Variants in C9 observed in about 807,000 individuals in gnomAD.
C9 encodes complement component C9.
C9 carries 63 observed loss-of-function variants against 65.4 expected under a neutral mutation model. That is an observed-to-expected ratio of 0.96 (90% CI 0.79 to 1.19). The LOEUF is 1.19. C9 is among the 50% of genes most tolerant of loss of function. The pLI is 0.00. For missense variants in C9, 744 were observed against 670.1 expected (o/e 1.11, Z -1.22); for synonymous variants, 229 against 227.9 (o/e 1.00, Z -0.04).
chr5:39,335,880 G>A (rs1445772340), intron 4 of C9, among the ~76,000 whole-genome samples: 1 of 152,086 alleles, frequency 6.6e-6, no homozygotes, highest in African/African-American at 2.4e-5. Flanking sequence ...AGAAATGTGT[G>A]GGTAAGAGCT....
chr5:39,301,165 A>G (rs1753273962), intron 9 of C9, among the ~76,000 whole-genome samples: 1 of 152,176 alleles, frequency 6.6e-6, no homozygotes, highest in South Asian at 2.1e-4. Context: ...AATATGATGC[A>G]CTGAGAATAA....
intron 10 of C9, among the ~76,000 whole-genome samples, chr5:39,287,025 G>C (rs1464360130): frequency 6.6e-6 from 1 of 151,890 alleles, no homozygotes; most frequent in African/African-American, 2.4e-5. Context: ...GATTGCCATA[G>C]AAAGTTAATC....
intron 1 of C9, among the ~76,000 whole-genome samples, chr5:39,362,523 G>A (rs2111995655): frequency 6.6e-6 from 1 of 152,268 alleles, no homozygotes; most frequent in East Asian, 1.9e-4. Context: ...CTCCAGAACT[G>A]TGAGACAATA....
Position 39,296,181 on chromosome 5 carries a change from T to C in C9, c.1417-7230A>G, listed in dbSNP as rs185930251. 2.0e-5 allele frequency among the ~76,000 whole-genome samples: 3 copies of C among 151,542 alleles called. No homozygotes were observed. In the East Asian group the frequency reaches 5.8e-4, roughly 29 times the overall value. On this transcript the variant is annotated intron_variant, in intron 9 of 10. Coordinates refer to ENST00000263408, the MANE Select transcript of C9 (RefSeq NM_001737.5). ...AACAGAAGCAAAAATACACAAATGG[T>C]TTATATCCAATTGAAAAGCTTCTGT...
chr5:39,346,021 G>A (rs1216929109), intron 1 of C9, among the ~76,000 whole-genome samples: 1 of 152,208 alleles, frequency 6.6e-6, no homozygotes, highest in East Asian at 1.9e-4. Flanking sequence ...ATTCAAAGGA[G>A]TGTGTAGAGG....
At chr5:39,362,340 G>A (rs1300665352) in intron 1 of C9, among the ~76,000 whole-genome samples, 1 of 152,146 alleles carries the variant, frequency 6.6e-6, no homozygotes, top group Non-Finnish European at 1.5e-5. Context: ...CATACACAAT[G>A]GGAAGATGAT....
chr5:39,343,095 C>T (rs1436789529), intron 1 of C9, among the ~76,000 whole-genome samples: 11 of 152,136 alleles, frequency 7.2e-5, no homozygotes, highest in Admixed American at 1.3e-4. Context: ...CAGCTCCCAG[C>T]GTGAGTGACG....
rs949865653 is a variant in C9, at chr5:39,334,556, G to A, written c.477-2742C>T. Among the ~76,000 whole-genome samples, 7 of 147,936 alleles carry A rather than the reference G, an allele frequency of 4.7e-5. No homozygotes were observed. The South Asian group carries it at 1.3e-3, about 26-fold the overall frequency. ...CCCCGCCAGGCCAGCCGCCCCGTCC[G>A]GGAGGGAGGTGGGGGGGTCAGCCCC... On this transcript the variant is annotated intron_variant, in intron 4 of 10. Transcript: ENST00000263408.
At chr5:39,313,571 C>T (rs142212605) in intron 6 of C9, among the ~76,000 whole-genome samples, 7 of 152,292 alleles carry the variant, frequency 4.6e-5, no homozygotes, top group African/African-American at 1.7e-4. Context: ...AATTCTGGAG[C>T]ACAGTCTAAG....
chr5:39,333,902 G>A (rs187841265), intron 4 of C9, among the ~76,000 whole-genome samples: 156 of 152,276 alleles, frequency 1.0e-3, no homozygotes, highest in African/African-American at 2.7e-3. Flanking sequence ...ACAGAGTCTC[G>A]TTAACTCAGT....
chr5:39,325,148 A>G (rs1020826802), intron 5 of C9, among the ~76,000 whole-genome samples: 1 of 152,188 alleles, frequency 6.6e-6, no homozygotes, highest in Non-Finnish European at 1.5e-5. Flanking sequence ...AATGGATAAT[A>G]AAACCATAAA....
chr5:39,321,414 A>G (rs978963404), intron 5 of C9, among the ~76,000 whole-genome samples: 4 of 152,094 alleles, frequency 2.6e-5, no homozygotes, highest in South Asian at 2.1e-4. Context: ...GCAAACACCT[A>G]TAATAGACAC....
At chr5:39,336,154 T>C (rs537866964) in intron 4 of C9, among the ~76,000 whole-genome samples, 74 of 152,266 alleles carry the variant, frequency 4.9e-4, no homozygotes, top group African/African-American at 1.2e-3. Flanking sequence ...TCACACAGCA[T>C]TGATATTTTT....
At chr5:39,318,554 G>C (rs1753612973) in intron 5 of C9, among the ~76,000 whole-genome samples, 1 of 149,744 alleles carries the variant, frequency 6.7e-6, no homozygotes, top group Non-Finnish European at 1.5e-5. Context: ...ATTTCAATTA[G>C]AACTTTTTTT....
At position 39,321,545 on chromosome 5, in the gene C9, GA is replaced by G. The variant is rs200563349; in HGVS notation, c.616-5517del. Among the ~76,000 whole-genome samples, 556 of 151,902 alleles carry G rather than the reference GA, an allele frequency of 3.7e-3. 18 individuals carry two copies. The highest frequency in any genetic ancestry group is 0.031 in the Admixed American group (471 of 15,256). On this transcript the variant is annotated intron_variant, in intron 5 of 10. Coordinates refer to ENST00000263408, the MANE Select transcript of C9 (RefSeq NM_001737.5). ...ACATACAAAACAACCAGAAAACAAT[GA>G]AAAAAATGGCAGTGGTAAGTCCTTA... is the stretch of plus-strand genomic sequence containing the variant.
At chr5:39,334,780 A>T (rs1753930347) in intron 4 of C9, among the ~76,000 whole-genome samples, 1 of 151,890 alleles carries the variant, frequency 6.6e-6, no homozygotes, top group South Asian at 2.1e-4. Context: ...GGAAGTGAGG[A>T]GCCCCTCTGC....
intron 10 of C9, among the ~76,000 whole-genome samples, chr5:39,285,843 C>A (rs1225431786): frequency 7.9e-5 from 12 of 151,872 alleles, no homozygotes; most frequent in Admixed American, 5.9e-4. Flanking sequence ...AAGTTGGAAG[C>A]ATTTCAAGCT....
intron 5 of C9, among the ~76,000 whole-genome samples, chr5:39,322,871 T>G (rs1254175340): frequency 6.6e-6 from 1 of 152,132 alleles, no homozygotes; most frequent in Admixed American, 6.5e-5. Context: ...TAAATTATAC[T>G]GGAGGCTGAG....
At chr5:39,330,326 G>C (rs1258595957) in intron 5 of C9, among the ~76,000 whole-genome samples, 1 of 152,020 alleles carries the variant, frequency 6.6e-6, no homozygotes, top group African/African-American at 2.4e-5. Flanking sequence ...GTGTTTCCAG[G>C]GTTATGGATA....
Sources: gnomAD v4.1 joint callset for allele counts (sites outside exome capture counted in the v4.1 genomes callset) on GRCh38, gnomAD v4.1.1 for gene constraint, MANE v1.5 for transcripts, NCBI Gene and HGNC (gene_info 2026-07-23, HGNC 2026-07-21) for gene names.